APC: variants seen among roughly 807,000 people sequenced by gnomAD.
The protein encoded by APC is APC regulator of Wnt signaling pathway.
APC carries 72 observed loss-of-function variants against 247.0 expected under a neutral mutation model. The observed-to-expected ratio is 0.29, with a 90% CI of 0.24 to 0.35. The LOEUF is 0.35. Ranked by LOEUF, APC falls within the 10% of genes least tolerant of loss-of-function variation. APC has a pLI of 1.00. For synonymous variants in APC, 1,254 were observed against 1,162.5 expected, an observed-to-expected ratio of 1.08 and a Z score of -1.60; for missense variants, 3,400 against 3,360.7, an observed-to-expected ratio of 1.01 and a Z score of -0.29.
chr5:112,742,495 A>G (rs752559040), intron 1 of APC, among the ~76,000 whole-genome samples: 1 of 152,222 alleles, frequency 6.6e-6, no homozygotes, highest in Non-Finnish European at 1.5e-5. Flanking sequence ...AGCAGTCACG[A>G]TGTCAGTCAC....
At chr5:112,814,336 C>G (rs1486914304) in intron 8 of APC, among the ~76,000 whole-genome samples, 1 of 152,184 alleles carries the variant, frequency 6.6e-6, no homozygotes. Context: ...GGGATTCTTA[C>G]TGGATGTCAG....
intron 14 of APC, among the ~76,000 whole-genome samples, chr5:112,832,720 T>A (rs749073743): frequency 6.6e-6 from 1 of 152,232 alleles, no homozygotes; most frequent in African/African-American, 2.4e-5. Flanking sequence ...TCTCTGGGAA[T>A]GTACAGGTCT....
Position 112,835,023 on chromosome 5 carries a change from A to G in APC, c.1816A>G (p.Ile606Val), listed in dbSNP as rs1460191563. The change falls in exon 15 of 16, where the codon ATA (isoleucine) becomes GTA (valine). Residue 606 changes from isoleucine to valine, a missense_variant. By Grantham distance (29) the Ile-to-Val change is conservative. Transcript: ENST00000257430. ...ACATTGCACTGAGAATAAAGCTGAT[A>G]TATGTGCTGTAGATGGTGCACTTGC... ...SAHCTENKAD[I>V]CAVDGALAFL... 1 of 1,614,152 alleles carries G rather than the reference A, an allele frequency of 6.2e-7. No individual in the cohort carries two copies. Among genetic ancestry groups the G allele is most frequent in the African/African-American group, 1.3e-5 (1 of 75,046 alleles).
At chr5:112,831,783 G>C (rs1764331725) in intron 14 of APC, among the ~76,000 whole-genome samples, 2 of 152,164 alleles carry the variant, frequency 1.3e-5, no homozygotes, top group Admixed American at 6.5e-5. Context: ...TTCTCTAGAA[G>C]AAGCCCAATG....
chr5:112,767,740 T>G (rs2149791179), intron 4 of APC, among the ~76,000 whole-genome samples: 1 of 152,066 alleles, frequency 6.6e-6, no homozygotes, highest in African/African-American at 2.4e-5. Context: ...AAGCGGTTCT[T>G]GTGCCTCAGC....
rs1401643874 is a variant in APC, at chr5:112,840,069, C to A, written c.4475C>A (p.Ala1492Asp). The A allele has an allele frequency of 1.9e-6, 3 of 1,614,034 alleles. No homozygotes were observed. In the African/African-American group the frequency reaches 4.0e-5, roughly 22 times the overall value. Residue 1492 changes from alanine to aspartate, a missense_variant, in exon 16 of 16, where the codon GCC becomes GAC. Transcript: ENST00000257430. This position sits in a 1 kb window ranked among gnomAD's most constrained non-coding sequence, Gnocchi z 4.1. ...GATGCTGATACTTTATTACATTTTG[C>A]CACGGAAAGTACTCCAGATGGATTT... Reference protein sequence around the residue: ...LPDADTLLHFATESTPDGFSC... With the variant: ...LPDADTLLHFDTESTPDGFSC...
chr5:112,744,851 G>C (rs753157008), intron 1 of APC, among the ~76,000 whole-genome samples: 16 of 152,180 alleles, frequency 1.1e-4, no homozygotes, highest in Non-Finnish European at 2.9e-5. Flanking sequence ...GTCTTTGAGA[G>C]CATGAGCATT....
chr5:112,822,856 G>A (rs954963336), intron 11 of APC, among the ~76,000 whole-genome samples: 1 of 152,146 alleles, frequency 6.6e-6, no homozygotes, highest in Admixed American at 6.5e-5. Flanking sequence ...TATCTTAAAA[G>A]TGATGAAGTC....
chr5:112,746,764 G>A (rs967105727), intron 1 of APC, among the ~76,000 whole-genome samples: 1 of 152,134 alleles, frequency 6.6e-6, no homozygotes, highest in African/African-American at 2.4e-5. Context: ...TCGAGAATAA[G>A]ATAGTTTATT....
intron 8 of APC, among the ~76,000 whole-genome samples, chr5:112,811,206 C>G (rs1486177009): frequency 6.6e-6 from 1 of 152,178 alleles, no homozygotes; most frequent in Non-Finnish European, 1.5e-5. Flanking sequence ...CATTTGGACA[C>G]TGAGTGTCAG....
chr5:112,831,226 A>G (rs1043700453), intron 14 of APC, among the ~76,000 whole-genome samples: 20 of 152,142 alleles, frequency 1.3e-4, no homozygotes, highest in African/African-American at 4.1e-4. Flanking sequence ...ATCCTGCCTC[A>G]GCCTCCCAAG....
At chr5:112,727,941 A>T (rs1026286296) in intron 1 of APC, among the ~76,000 whole-genome samples, 1 of 148,220 alleles carries the variant, frequency 6.7e-6, no homozygotes, top group Admixed American at 6.7e-5. Flanking sequence ...TGTTTTAAAC[A>T]TTTAACTTAA....
At chr5:112,825,653 A>G (rs1358870671) in intron 11 of APC, among the ~76,000 whole-genome samples, 1 of 152,224 alleles carries the variant, frequency 6.6e-6, no homozygotes, top group Non-Finnish European at 1.5e-5. Context: ...GGAGTTCGCA[A>G]CCAGCTCGGG....
At position 112,825,229 on chromosome 5, in the gene APC, C is replaced by G. The variant is rs145875597; in HGVS notation, c.1409-1879C>G. The stretch of plus-strand genomic sequence containing the variant: ...CTTAAAAGTATCTTATGTCATCACT[C>G]TTCTCTTCATCCCCAGTCCAAGCCA... On this transcript the variant is annotated intron_variant, in intron 11 of 15. Coordinates refer to ENST00000257430, the MANE Select transcript of APC (RefSeq NM_000038.6). Among the ~76,000 whole-genome samples, 52 of 152,266 alleles carry G rather than the reference C, an allele frequency of 3.4e-4. 1 individual carries two copies. Among genetic ancestry groups the G allele is most frequent in the African/African-American group, 1.1e-3 (47 of 41,544 alleles).
chr5:112,830,414 A>C (rs1484695912), intron 14 of APC, among the ~76,000 whole-genome samples: 1 of 152,194 alleles, frequency 6.6e-6, no homozygotes, highest in Non-Finnish European at 1.5e-5. Flanking sequence ...ATGCATTTTC[A>C]AGGATGTTGA....
chr5:112,709,275 C>T (rs1406706710), intron 1 of APC, among the ~76,000 whole-genome samples: 1 of 152,176 alleles, frequency 6.6e-6, no homozygotes, highest in South Asian at 2.1e-4. Context: ...CATTCTGTCT[C>T]ATAACACATA....
At chr5:112,804,181 A>G (rs2149721277) in intron 8 of APC, among the ~76,000 whole-genome samples, 1 of 152,182 alleles carries the variant, frequency 6.6e-6, no homozygotes, top group South Asian at 2.1e-4. Flanking sequence ...GTCTCCACCT[A>G]CCTGGAATAA....
At chr5:112,765,281 G>T (rs548672084) in intron 2 of APC, among the ~76,000 whole-genome samples, 2 of 151,820 alleles carry the variant, frequency 1.3e-5, no homozygotes, top group African/African-American at 4.8e-5. Flanking sequence ...TTGTTTGTTT[G>T]TTTTTTTAAT....
At chr5:112,728,412 G>A (rs1022953022) in intron 1 of APC, among the ~76,000 whole-genome samples, 1 of 152,144 alleles carries the variant, frequency 6.6e-6, no homozygotes, top group Non-Finnish European at 1.5e-5. Context: ...GAATACAGGC[G>A]TGAGCCACCG....
Sources: allele counts gnomAD v4.1 joint callset (sites outside exome capture counted in the v4.1 genomes callset), GRCh38; gene constraint gnomAD v4.1.1; non-coding constraint Gnocchi (gnomAD v3.1); transcripts MANE v1.5; gene names NCBI Gene and HGNC (gene_info 2026-07-23, HGNC 2026-07-21).